Variants in ZSCAN5A observed in about 807,000 individuals in gnomAD.
ZSCAN5A encodes the protein zinc finger and SCAN domain containing 5A.
ZSCAN5A carries 12 observed loss-of-function variants against 23.7 expected under a neutral mutation model. That is an observed-to-expected ratio of 0.51 (90% CI 0.32 to 0.82). ZSCAN5A has a LOEUF of 0.82. Among genes scored for constraint, ZSCAN5A ranks in the 40% least tolerant of loss-of-function variants. ZSCAN5A has a pLI of 0.03. For synonymous variants in ZSCAN5A, 257 were observed against 239.9 expected, an observed-to-expected ratio of 1.07 and a Z score of -0.66; for missense variants, 597 against 617.9, an observed-to-expected ratio of 0.97 and a Z score of 0.36.
chr19:56,294,263 G>C (rs2039713478), intron 2 of ZSCAN5A, among the ~76,000 whole-genome samples: 2 of 152,132 alleles, frequency 1.3e-5, no homozygotes, highest in Admixed American at 1.3e-4. Flanking sequence ...GATTCACGTG[G>C]GCTCTTTCTC....
At chr19:56,344,109 G>A (rs939020945) in intron 2 of ZSCAN5A, among the ~76,000 whole-genome samples, 1 of 152,152 alleles carries the variant, frequency 6.6e-6, no homozygotes, top group Admixed American at 6.5e-5. Flanking sequence ...TGACCTAACT[G>A]ACTCCATCTT....
chr19:56,239,953 G>A (rs2035285221), intron 2 of ZSCAN5A, among the ~76,000 whole-genome samples: 1 of 152,062 alleles, frequency 6.6e-6, no homozygotes, highest in South Asian at 2.1e-4. Context: ...CACTAGGTCA[G>A]GAGTTCAAGA....
chr19:56,330,190 T>C (rs1323681449), intron 2 of ZSCAN5A, among the ~76,000 whole-genome samples: 1 of 152,250 alleles, frequency 6.6e-6, no homozygotes, highest in East Asian at 1.9e-4. Flanking sequence ...CTGCATAGTA[T>C]TCCATGGTGT....
At chr19:56,228,245 C>T (rs971161055) in intron 2 of ZSCAN5A, 2 of 985,228 alleles carry the variant, frequency 2.0e-6, no homozygotes, top group African/African-American at 3.5e-5. Flanking sequence ...CCCCGCTGGA[C>T]ACTCACCTCC....
chr19:56,291,142 C>A (rs779277593), intron 2 of ZSCAN5A, among the ~76,000 whole-genome samples: 9 of 152,066 alleles, frequency 5.9e-5, no homozygotes, highest in Non-Finnish European at 1.3e-4. Flanking sequence ...AGGACCGTTG[C>A]CCCAGAAGAC....
intron 2 of ZSCAN5A, 200 bp from the exon 3 acceptor site, chr19:56,225,373 G>T: frequency 3.9e-6 from 1 of 257,450 alleles, no homozygotes; most frequent in Non-Finnish European, 7.1e-6. Context: ...GGAAATCACT[G>T]TGCAGAGGCT....
At chr19:56,260,091 T>C (rs1322314628) in intron 2 of ZSCAN5A, among the ~76,000 whole-genome samples, 1 of 152,240 alleles carries the variant, frequency 6.6e-6, no homozygotes, top group African/African-American at 2.4e-5. Flanking sequence ...AACTTCAGGT[T>C]TGAGCCTCTG....
chr19:56,224,328 T>C, intron 3 of ZSCAN5A: 1 of 339,192 alleles, frequency 2.9e-6, no homozygotes, highest in Non-Finnish European at 5.4e-6. Flanking sequence ...TCTTTCATGT[T>C]GGCCTCACAC....
chr19:56,233,614 T>C (rs2034642696), intron 2 of ZSCAN5A, among the ~76,000 whole-genome samples: 1 of 38,150 alleles, frequency 2.6e-5, no homozygotes, highest in South Asian at 1.1e-3. Context: ...GAAATCACCT[T>C]TTTTTTTTTT....
intron 2 of ZSCAN5A, among the ~76,000 whole-genome samples, chr19:56,277,763 TG>T (rs1210240455): frequency 1.3e-5 from 2 of 151,320 alleles, no homozygotes; most frequent in Admixed American, 1.3e-4. Flanking sequence ...GGAAGGAGGG[TG>T]GCAGGGAGGT....
At chr19:56,272,855 T>G in intron 2 of ZSCAN5A, 1 of 985,410 alleles carries the variant, frequency 1.0e-6, no homozygotes, top group Non-Finnish European at 1.2e-6. Flanking sequence ...CAGAGCCATT[T>G]CTGAAAATGT....
intron 2 of ZSCAN5A, among the ~76,000 whole-genome samples, chr19:56,256,075 AAC>A (rs1267800000): frequency 3.3e-5 from 5 of 152,240 alleles, no homozygotes; most frequent in Non-Finnish European, 7.3e-5. Flanking sequence ...AAAAACTAGA[AAC>A]ACAATAAAAA....
chr19:56,291,752 A>C (rs533380804), intron 2 of ZSCAN5A, among the ~76,000 whole-genome samples: 71 of 151,958 alleles, frequency 4.7e-4, no homozygotes, highest in African/African-American at 1.6e-3. Flanking sequence ...TTTTTTTTTA[A>C]ACTCAAGAAC....
At chr19:56,245,027 A>G (rs1261178565) in intron 2 of ZSCAN5A, among the ~76,000 whole-genome samples, 1 of 152,218 alleles carries the variant, frequency 6.6e-6, no homozygotes, top group Non-Finnish European at 1.5e-5. Context: ...TTTCATCTAA[A>G]GGACTCATAT....
Position 56,222,770 on chromosome 19 carries a change from T to G in ZSCAN5A, c.589-29A>C, listed in dbSNP as rs750166406. ...AAGAGGAAAAACCAAGAGTAATGAC[T>G]GCTGTGTCCAAACTGGTGGAAGCAG... is the stretch of plus-strand genomic sequence containing the variant. On this transcript the variant is annotated intron_variant, in intron 4 of 5. Coordinates refer to ENST00000683990, the MANE Select transcript of ZSCAN5A (RefSeq NM_001322064.3). 2.5e-6 allele frequency: 4 copies of G among 1,614,056 alleles called. No homozygotes were observed. The Admixed American group carries it at 5.0e-5, about 20-fold the overall frequency.
intron 2 of ZSCAN5A, among the ~76,000 whole-genome samples, chr19:56,331,478 AG>A (rs757721862): frequency 3.4e-5 from 5 of 146,136 alleles, no homozygotes; most frequent in Admixed American, 2.0e-4. Context: ...TTTTTTCAGC[AG>A]TGTTCTGTAG....
At chr19:56,251,658 A>G (rs80202108) in intron 2 of ZSCAN5A, among the ~76,000 whole-genome samples, 2,005 of 152,290 alleles carry the variant, frequency 0.013, 42 homozygotes, top group African/African-American at 0.043. Context: ...CCTGGGCACC[A>G]GCTTCCAGCA....
At chr19:56,232,394 A>G (rs1322112746) in intron 2 of ZSCAN5A, among the ~76,000 whole-genome samples, 1 of 152,044 alleles carries the variant, frequency 6.6e-6, no homozygotes, top group African/African-American at 2.4e-5. Context: ...CTTGGGTGTT[A>G]TCAATGATTT....
chr19:56,302,533 T>TCCC (rs2040346908), intron 2 of ZSCAN5A, among the ~76,000 whole-genome samples: 1 of 26,956 alleles, frequency 3.7e-5, no homozygotes, highest in Non-Finnish European at 1.3e-4. Flanking sequence ...TCCCTCCCTC[T>TCCC]TCTTCCTCCC....
Sources: allele counts gnomAD v4.1 joint callset (sites outside exome capture counted in the v4.1 genomes callset), GRCh38; gene constraint gnomAD v4.1.1; transcripts MANE v1.5; gene names NCBI Gene and HGNC (gene_info 2026-07-23, HGNC 2026-07-21).